The following OR2C1 variants were observed in gnomAD, a reference collection of about 807,000 sequenced individuals.
The protein encoded by OR2C1 is olfactory receptor 2C1.
For synonymous variants in OR2C1, 209 were observed against 167.3 expected, an observed-to-expected ratio of 1.25 and a Z score of -1.92; for missense variants, 468 against 388.3, an observed-to-expected ratio of 1.21 and a Z score of -1.73.
At chr16:3,348,767 G>A in the OR2C1 span, among the ~76,000 whole-genome samples, 3 of 152,220 alleles carry the variant, frequency 2.0e-5, no homozygotes, top group South Asian at 2.1e-4. Context: ...GACATCTAAC[G>A]GCCTAATCAG....
the OR2C1 span, among the ~76,000 whole-genome samples, chr16:3,327,429 C>G: frequency 6.6e-6 from 1 of 152,056 alleles, no homozygotes; most frequent in African/African-American, 2.4e-5. Context: ...AGGAGCAAAG[C>G]TCATTGAGAA....
At chr16:3,350,642 A>G in the OR2C1 span, among the ~76,000 whole-genome samples, 1 of 146,296 alleles carries the variant, frequency 6.8e-6, no homozygotes, top group East Asian at 2.1e-4. Flanking sequence ...CGATCTCCTG[A>G]CCTTGTGATC....
chr16:3,330,393 G>A, the OR2C1 span, among the ~76,000 whole-genome samples: 1 of 152,194 alleles, frequency 6.6e-6, no homozygotes, highest in African/African-American at 2.4e-5. Context: ...TGGGATTACA[G>A]ATGTGAGCCA....
the OR2C1 span, among the ~76,000 whole-genome samples, chr16:3,334,961 G>A: frequency 2.0e-5 from 3 of 152,026 alleles, no homozygotes; most frequent in Admixed American, 6.6e-5. Flanking sequence ...TGGGATTATA[G>A]GTGTGTGCCA....
the OR2C1 span, among the ~76,000 whole-genome samples, chr16:3,325,277 C>G: frequency 1.3e-5 from 2 of 151,784 alleles, no homozygotes; most frequent in Non-Finnish European, 2.9e-5. Flanking sequence ...CCACTGTGCC[C>G]AGCCTATTTA....
chr16:3,344,853 C>T, the OR2C1 span, among the ~76,000 whole-genome samples: 2 of 152,050 alleles, frequency 1.3e-5, no homozygotes, highest in Admixed American at 6.6e-5. Flanking sequence ...GTTGGTGCAT[C>T]TGGGTATATC....
At chr16:3,343,993 G>T in the OR2C1 span, among the ~76,000 whole-genome samples, 11 of 151,858 alleles carry the variant, frequency 7.2e-5, no homozygotes, top group East Asian at 3.9e-4. Flanking sequence ...CCAATGTGGG[G>T]GGATCACTTG....
the OR2C1 span, among the ~76,000 whole-genome samples, chr16:3,327,166 G>A: frequency 6.6e-6 from 1 of 152,094 alleles, no homozygotes; most frequent in African/African-American, 2.4e-5. Flanking sequence ...AAAGAGAATA[G>A]TATAATGAAC....
At chr16:3,336,712 C>CT in the OR2C1 span, among the ~76,000 whole-genome samples, 459 of 96,770 alleles carry the variant, frequency 4.7e-3, 5 homozygotes, top group African/African-American at 0.013. Context: ...TTCTTTCTTT[C>CT]TTTTTTTTTT....
the OR2C1 span, among the ~76,000 whole-genome samples, chr16:3,331,741 A>G: frequency 1.6e-4 from 24 of 152,058 alleles, no homozygotes; most frequent in South Asian, 4.8e-3. Flanking sequence ...TTCCCAAAGG[A>G]CTATAAATCA....
chr16:3,331,238 G>C, the OR2C1 span, among the ~76,000 whole-genome samples: 1 of 152,076 alleles, frequency 6.6e-6, no homozygotes, highest in African/African-American at 2.4e-5. Context: ...GGGGTTGTTT[G>C]TTTTTTTCTT....
At chr16:3,329,308 A>G in the OR2C1 span, among the ~76,000 whole-genome samples, 1 of 151,858 alleles carries the variant, frequency 6.6e-6, no homozygotes, top group Non-Finnish European at 1.5e-5. Context: ...AACAATAATT[A>G]ATATAGAAAA....
At chr16:3,337,190 T>G in the OR2C1 span, among the ~76,000 whole-genome samples, 9 of 150,862 alleles carry the variant, frequency 6.0e-5, no homozygotes, top group African/African-American at 2.0e-4. Context: ...AGGCTTGCTC[T>G]GTCTCCCAGG....
At chr16:3,323,631 C>G in the OR2C1 span, 1 of 718,988 alleles carries the variant, frequency 1.4e-6, no homozygotes, top group Non-Finnish European at 2.5e-6. Flanking sequence ...AGTAGACTCA[C>G]GCCAACAATC....
At chr16:3,332,720 C>CAT in the OR2C1 span, among the ~76,000 whole-genome samples, 20 of 148,680 alleles carry the variant, frequency 1.3e-4, no homozygotes, top group South Asian at 4.2e-4. Flanking sequence ...TATTCTATTG[C>CAT]ATATATATAT....
At chr16:3,345,685 A>C in the OR2C1 span, among the ~76,000 whole-genome samples, 1 of 151,986 alleles carries the variant, frequency 6.6e-6, no homozygotes, top group Non-Finnish European at 1.5e-5. Context: ...GAGAGAAATA[A>C]GCATGGGGAT....
the OR2C1 span, among the ~76,000 whole-genome samples, chr16:3,325,875 G>A: frequency 1.1e-4 from 16 of 151,606 alleles, no homozygotes; most frequent in African/African-American, 3.9e-4. Flanking sequence ...TATTAGTGAT[G>A]GAGATTATCT....
the OR2C1 span, among the ~76,000 whole-genome samples, chr16:3,348,207 T>A: frequency 4.6e-5 from 7 of 152,240 alleles, no homozygotes; most frequent in African/African-American, 1.4e-4. Flanking sequence ...TGCAGAGGAA[T>A]GAGAATGGCG....
chr16:3,356,454 C>T lies in OR2C1; in HGVS notation c.514C>T (p.Arg172Trp), dbSNP rs138192595. Residue 172 changes from arginine (R) to tryptophan (W), a missense_variant, in exon 1 of 1, where the codon CGG becomes TGG. By Grantham distance (101) the Arg-to-Trp change is moderately radical. Coordinates refer to ENST00000304936, the MANE Select transcript of OR2C1 (RefSeq NM_012368.3). ...TCTGCAGCTCCCATTGTGTGGGCACCGGAGGGTGGAGGGATTCCTCTGCGA... is the reference window on the plus strand; with the variant it reads ...TCTGCAGCTCCCATTGTGTGGGCACTGGAGGGTGGAGGGATTCCTCTGCGA... ...FTLQLPLCGH[R>W]RVEGFLCEVP... 529 of 1,613,940 alleles carry T rather than the reference C, an allele frequency of 3.3e-4. 2 individuals are homozygous for T. In the East Asian group the frequency reaches 5.3e-3, roughly 16 times the overall value.
Sources: allele counts gnomAD v4.1 joint callset (sites outside exome capture counted in the v4.1 genomes callset), GRCh38; gene constraint gnomAD v4.1.1; transcripts MANE v1.5; gene names NCBI Gene and HGNC (gene_info 2026-07-23, HGNC 2026-07-21).